Variants in CACNG8 observed in about 807,000 individuals in gnomAD.
CACNG8 encodes calcium voltage-gated channel auxiliary subunit gamma 8.
A neutral mutation model predicts 26.9 loss-of-function variants in CACNG8; 5 were observed. That is an observed-to-expected ratio of 0.19 (90% CI 0.10 to 0.39). The LOEUF (loss-of-function observed/expected upper bound fraction) is 0.39, where lower values mean the gene tolerates loss of function less well. CACNG8 is among the 10% of genes least tolerant of loss of function. The pLI is 1.00. For missense variants in CACNG8, 473 were observed against 609.4 expected (o/e 0.78, Z 2.36); for synonymous variants, 321 against 296.7 (o/e 1.08, Z -0.84).
chr19:53,971,497 C>G lies in CACNG8; in HGVS notation c.284-6649C>G, dbSNP rs190256086. Among the ~76,000 whole-genome samples the G allele has an allele frequency of 3.9e-5, 6 of 152,294 alleles. No homozygotes were observed. In the East Asian group the frequency reaches 1.2e-3, roughly 29 times the overall value. On this transcript the variant is annotated intron_variant, in intron 1 of 3. Transcript: ENST00000270458. ...CAGTAAATATTTTACCCTCACAGAA[C>G]CTCTCCATTGCCACATTTCAAGTGT...
intron 1 of CACNG8, among the ~76,000 whole-genome samples, chr19:53,964,217 C>A (rs1044021840): frequency 5.3e-5 from 8 of 151,848 alleles, no homozygotes; most frequent in South Asian, 2.1e-4. Context: ...ATTTCCCCCC[C>A]AGTCCTCTGA....
chr19:53,965,640 C>T (rs1784944358), intron 1 of CACNG8, among the ~76,000 whole-genome samples: 1 of 152,046 alleles, frequency 6.6e-6, no homozygotes, highest in South Asian at 2.1e-4. Flanking sequence ...GATTCTGGGG[C>T]TGCAGCAGTG....
Position 53,986,936 on chromosome 19 carries a change from C to G in CACNG8, c.*4087C>G, listed in dbSNP as rs545660425. The stretch of plus-strand genomic sequence containing the variant: ...TGCGGTGAGCAGATCCACCATAGGA[C>G]AGAGGCACAGGGTAGGGGCTGATCA... On this transcript the variant is annotated 3_prime_UTR_variant, in exon 4 of 4. Coordinates refer to ENST00000270458, the MANE Select transcript of CACNG8 (RefSeq NM_031895.6). 4.3e-4 allele frequency: 66 copies of G among 152,328 alleles called. No homozygotes were observed. The highest frequency in any genetic ancestry group is 1.5e-3 in the African/African-American group (63 of 41,560). The allele number at this position is 152,328 out of a possible 1,614,324, so 9.4% of individuals were successfully genotyped here.
chr19:53,967,695 C>T (rs11666777), intron 1 of CACNG8, among the ~76,000 whole-genome samples: 40,517 of 151,880 alleles, frequency 0.27, 6,363 homozygotes, highest in East Asian at 0.46. Context: ...ATTAGCCAGG[C>T]GTGGTGGCAC....
intron 1 of CACNG8, among the ~76,000 whole-genome samples, chr19:53,977,361 T>C (rs1440200481): frequency 3.3e-5 from 5 of 152,234 alleles, no homozygotes; most frequent in African/African-American, 7.2e-5. Context: ...TTTATACTTA[T>C]ATTTTTAATT....
At chr19:53,972,230 A>G (rs1027370769) in intron 1 of CACNG8, among the ~76,000 whole-genome samples, 2 of 151,918 alleles carry the variant, frequency 1.3e-5, no homozygotes, top group African/African-American at 4.8e-5. Flanking sequence ...TCCTGACCTC[A>G]GGTGATCTGC....
rs10412765 is a variant in CACNG8 at position 53,986,493 on chromosome 19, C to T, written c.*3644C>T. The T allele has an allele frequency of 0.6, 91,547 of 151,340 alleles. 27,883 individuals carry two copies. The highest frequency in any genetic ancestry group is 0.81 in the East Asian group (4,130 of 5,122). 9.4% of individuals were successfully genotyped at this position (151,340 alleles called of 1,614,324 possible). On this transcript the variant is annotated 3_prime_UTR_variant, in exon 4 of 4. Coordinates refer to ENST00000270458, the MANE Select transcript of CACNG8 (RefSeq NM_031895.6). ...GTGGCTCATGCCTGTAATCCCAGCA[C>T]TTTGGGAGGCCGAGGCTGGTGGATC...
intron 1 of CACNG8, among the ~76,000 whole-genome samples, chr19:53,972,128 G>A (rs1163638781): frequency 1.3e-5 from 2 of 151,942 alleles, no homozygotes; most frequent in Admixed American, 6.6e-5. Context: ...CTGAGTAGCT[G>A]GGATTACAGG....
At chr19:53,966,838 G>A (rs144885956) in intron 1 of CACNG8, among the ~76,000 whole-genome samples, 3 of 152,288 alleles carry the variant, frequency 2.0e-5, no homozygotes, top group Non-Finnish European at 4.4e-5. Context: ...AATGACCGAG[G>A]GGAAGGCAAA....
intron 2 of CACNG8, among the ~76,000 whole-genome samples, chr19:53,979,086 T>C (rs965357632): frequency 1.2e-4 from 14 of 113,264 alleles, no homozygotes; most frequent in Non-Finnish European, 1.7e-4. Context: ...CCTAGGAAGA[T>C]AGGTGAAGCC....
Position 53,984,246 on chromosome 19 carries a change from T to A in CACNG8, c.*1397T>A, listed in dbSNP as rs1357140444. 1 of 152,212 alleles carries A rather than the reference T, an allele frequency of 6.6e-6. No individual in the cohort carries two copies. Among genetic ancestry groups the A allele is most frequent in the Non-Finnish European group, 1.5e-5 (1 of 68,050 alleles). The allele number at this position is 152,212 out of a possible 1,614,324, so 9.4% of individuals were successfully genotyped here. A position where few individuals can be genotyped will look rare whatever the true frequency, so the allele number is the denominator to read the frequency against. ...CCATCTGCTAAGGTACCAGGAAGTG[T>A]GTTAGGATCCAGATCCCCAGGGGTG... is the stretch of plus-strand genomic sequence containing the variant. On this transcript the variant is annotated 3_prime_UTR_variant, in exon 4 of 4. Coordinates refer to ENST00000270458, the MANE Select transcript of CACNG8 (RefSeq NM_031895.6).
Position 53,982,415 on chromosome 19 carries a change from G to C in CACNG8, c.844G>C (p.Glu282Gln). Residue 282 changes from glutamate (E) to glutamine (Q), a missense_variant, in exon 4 of 4, where the codon GAG becomes CAG. By Grantham distance (29) the Glu-to-Gln change is conservative. Transcript: ENST00000270458. This position sits in a 1 kb window ranked among gnomAD's most constrained non-coding sequence, Gnocchi z 8.4. ...CTCCCGCTCTAGCTCCCGCTCCAGC[G>C]AGCCGTCGCCGTCGCGGGACGCGTC... is the stretch of plus-strand genomic sequence containing the variant. 2 of 1,521,316 alleles carry C rather than the reference G, an allele frequency of 1.3e-6. No homozygotes were observed. The highest frequency in any genetic ancestry group is 2.8e-5 in the African/African-American group (2 of 70,432). The allele number at this position is 1,521,316 out of a possible 1,614,324, so 94.2% of individuals were successfully genotyped here. A position where few individuals can be genotyped will look rare whatever the true frequency, so the allele number is the denominator to read the frequency against.
At position 53,986,002 on chromosome 19, in the gene CACNG8, G is replaced by C. The variant is rs2069405583; in HGVS notation, c.*3153G>C. ...GGTAGGCAGGAGGAAGAGCAAGATG[G>C]GGAGGGAGGGGGAGAGCAGGAGAGA... On this transcript the variant is annotated 3_prime_UTR_variant, in exon 4 of 4. Transcript: ENST00000270458. 6.6e-6 allele frequency: 1 copy of C among 152,324 alleles called. No individual in the cohort carries two copies. Among genetic ancestry groups the C allele is most frequent in the Non-Finnish European group, 1.5e-5 (1 of 68,184 alleles). 9.4% of individuals were successfully genotyped at this position (152,324 alleles called of 1,614,324 possible).
At chr19:53,980,476 CTT>C (rs200818359) in intron 3 of CACNG8, among the ~76,000 whole-genome samples, 14 of 151,974 alleles carry the variant, frequency 9.2e-5, no homozygotes, top group African/African-American at 1.9e-4. Context: ...CCTTTGGAGA[CTT>C]TGGTGGATCC....
Position 53,984,507 on chromosome 19 carries a change from G to A in CACNG8, c.*1658G>A, listed in dbSNP as rs2069395423. On this transcript the variant is annotated 3_prime_UTR_variant, in exon 4 of 4. Coordinates refer to ENST00000270458, the MANE Select transcript of CACNG8 (RefSeq NM_031895.6). ...CTGGTTGATGAAAGGCATGAGAAAG[G>A]CTTGTGGGGCCAAAGAACAACTTGG... 1 of 152,368 alleles carries A rather than the reference G, an allele frequency of 6.6e-6. No homozygotes were observed. The highest frequency in any genetic ancestry group is 2.4e-5 in the African/African-American group (1 of 41,450). The allele number at this position is 152,368 out of a possible 1,614,324, so 9.4% of individuals were successfully genotyped here.
chr19:53,987,358 C>T lies in CACNG8; in HGVS notation c.*4509C>T, dbSNP rs2069413847. The T allele has an allele frequency of 6.6e-6, 1 of 152,306 alleles. No homozygotes were observed. Among genetic ancestry groups the T allele is most frequent in the Non-Finnish European group, 1.5e-5 (1 of 68,080 alleles). 9.4% of individuals were successfully genotyped at this position (152,306 alleles called of 1,614,324 possible). A position where few individuals can be genotyped will look rare whatever the true frequency, so the allele number is the denominator to read the frequency against. On this transcript the variant is annotated 3_prime_UTR_variant, in exon 4 of 4. Coordinates refer to ENST00000270458, the MANE Select transcript of CACNG8 (RefSeq NM_031895.6). The stretch of plus-strand genomic sequence containing the variant: ...ATGCTGGGATTACAGGAGTGAGCCA[C>T]TGCGCCCGGCCTCATATTTTTATTT...
intron 1 of CACNG8, among the ~76,000 whole-genome samples, chr19:53,968,756 G>A (rs144829141): frequency 0.041 from 5,007 of 121,940 alleles, 338 homozygotes; most frequent in African/African-American, 0.16. Flanking sequence ...GCAACAGAGT[G>A]AGACTCTATC....
Position 53,979,997 on chromosome 19 carries a change from C to T in CACNG8, c.498C>T (p.Phe166=), listed in dbSNP as rs374385020. 5.6e-6 allele frequency: 9 copies of T among 1,608,826 alleles called. No homozygotes were observed. The highest frequency in any genetic ancestry group is 4.0e-5 in the African/African-American group (3 of 74,824). Residue 166 remains phenylalanine, a synonymous_variant, in exon 3 of 4, where the codon TTC becomes TTT. Coordinates refer to ENST00000270458, the MANE Select transcript of CACNG8 (RefSeq NM_031895.6). ...TCATTCTGGGCGCAGGGATCCTGTT[C>T]GTGGCAGCAGGTGAGAGGCAGAGGG...
chr19:53,963,020 A>ACCCCCCCCC lies in CACNG8; in HGVS notation c.-123_-122insCCCCCCCCC. ...CCTCCTCCTCGCCGCCCCCCTCCCCAGCCCCGCCGGCCCCGGGCCCCCCGC... is the reference window on the plus strand; with the variant it reads ...CCTCCTCCTCGCCGCCCCCCTCCCCACCCCCCCCCGCCCCGCCGGCCCCGGGCCCCCCGC... On this transcript the variant is annotated 5_prime_UTR_variant, in exon 1 of 4. Transcript: ENST00000270458. 1 of 78,254 alleles carries ACCCCCCCCC rather than the reference A, an allele frequency of 1.3e-5. No individual in the cohort carries two copies. 4.8% of individuals were successfully genotyped at this position (78,254 alleles called of 1,614,324 possible).
Sources: allele counts gnomAD v4.1 joint callset (sites outside exome capture counted in the v4.1 genomes callset), GRCh38; gene constraint gnomAD v4.1.1; non-coding constraint Gnocchi (gnomAD v3.1); transcripts MANE v1.5; gene names NCBI Gene and HGNC (gene_info 2026-07-23, HGNC 2026-07-21).